NCAPD2: variants seen among roughly 807,000 people sequenced by gnomAD.
The protein encoded by NCAPD2 is non-SMC condensin I complex subunit D2, also known as condensin complex subunit 1.
Under a neutral mutation model 164.5 loss-of-function variants are expected in NCAPD2, and 100 were observed. The ratio of observed to expected loss-of-function variants is 0.61; its 90% CI spans 0.52 to 0.72. The LOEUF (loss-of-function observed/expected upper bound fraction) is 0.72. Ranked by LOEUF, NCAPD2 falls within the 30% of genes least tolerant of loss-of-function variation. The probability of loss-of-function intolerance (pLI) is 0.00; values close to 1 mark genes in which losing one functional copy is unlikely to be tolerated. For synonymous variants in NCAPD2, 585 were observed against 642.6 expected (o/e 0.91, Z 1.36); for missense variants, 1,560 against 1,749.2 (o/e 0.89, Z 1.93).
intron 13 of NCAPD2, among the ~76,000 whole-genome samples, chr12:6,520,018 T>G (rs1946249632): frequency 6.6e-6 from 1 of 151,930 alleles, no homozygotes; most frequent in Non-Finnish European, 1.5e-5. Context: ...CCATCTCTGC[T>G]AAAATTACAA....
Position 6,509,778 on chromosome 12 carries a change from C to G in NCAPD2, c.189C>G (p.Ile63Met), listed in dbSNP as rs147643090. ...PLAMLQHFDT[I>M]YSILHHFRSI... is the part of the protein sequence containing the mutation. Reference sequence around the variant, plus strand: ...CTATGCTGCAGCACTTTGATACTATCTACAGCATTTTGCAGTAAGTGAAAC... The same window carrying G: ...CTATGCTGCAGCACTTTGATACTATGTACAGCATTTTGCAGTAAGTGAAAC... Residue 63 changes from isoleucine (I) to methionine (M), a missense_variant, in exon 3 of 32, where the codon ATC becomes ATG. Transcript: ENST00000315579. The G allele has an allele frequency of 1.1e-4, 185 of 1,614,026 alleles. 2 individuals are homozygous for G. In the African/African-American group the frequency reaches 2.2e-3, roughly 19 times the overall value.
intron 27 of NCAPD2, 170 bp from the exon 28 acceptor site, chr12:6,529,343 G>T: frequency 1.5e-6 from 1 of 658,742 alleles, no homozygotes; most frequent in Admixed American, 2.8e-5. Context: ...GGGGCGGGGT[G>T]GGGTCCCTCT....
intron 27 of NCAPD2, chr12:6,529,295 C>T: frequency 1.6e-6 from 1 of 618,864 alleles, no homozygotes; most frequent in East Asian, 2.7e-5. Flanking sequence ...AGCAGCTGCT[C>T]CTGTTAATTT....
Position 6,529,894 on chromosome 12 carries a change from C to A in NCAPD2, c.3773C>A (p.Ser1258Tyr), listed in dbSNP as rs143558583. Residue 1258 changes from serine (S) to tyrosine (Y), a missense_variant, in exon 29 of 32, where the codon TCC (serine) becomes TAC (tyrosine). Ser to Tyr is a moderately radical substitution (Grantham distance 144, BLOSUM62 -2). Coordinates refer to ENST00000315579, the MANE Select transcript of NCAPD2 (RefSeq NM_014865.4). ...TTTGGAGACAAACTGTCAGATGAGT[C>A]CATCTTCAGTGCTTTTTTGTCAGTT... ...DCFGDKLSDE[S>Y]IFSAFLSVVG... 1,840 of 1,614,116 alleles carry A rather than the reference C, an allele frequency of 1.1e-3. 3 individuals are homozygous for A. The highest frequency in any genetic ancestry group is 1.5e-3 in the Non-Finnish European group (1,768 of 1,180,060).
Position 6,521,855 on chromosome 12 carries a change from C to T in NCAPD2, c.1772C>T (p.Thr591Ile), listed in dbSNP as rs1287489579. 14 of 1,614,018 alleles carry T rather than the reference C, an allele frequency of 8.7e-6. No individual in the cohort carries two copies. The highest frequency in any genetic ancestry group is 9.3e-6 in the Non-Finnish European group (11 of 1,180,012). Residue 591 changes from threonine (T) to isoleucine (I), a missense_variant, in exon 15 of 32, where the codon ACA (threonine) becomes ATA (isoleucine). By Grantham distance (89) the Thr-to-Ile change is moderately conservative. Coordinates refer to ENST00000315579, the MANE Select transcript of NCAPD2 (RefSeq NM_014865.4). The part of the protein sequence containing the change: ...NPRESTGNMV[T>I]GQTVCKNKPN... Reference sequence around the variant, plus strand: ...CGGGAGTCTACAGGAAACATGGTCACAGGACAGACTGTCTGTAAAAATAAA... The same window carrying T: ...CGGGAGTCTACAGGAAACATGGTCATAGGACAGACTGTCTGTAAAAATAAA...
At chr12:6,495,315 C>G (rs1466130309) in intron 2 of NCAPD2, 90 bp downstream of exon 2, 1 of 1,481,488 alleles carries the variant, frequency 6.7e-7, no homozygotes, top group Non-Finnish European at 9.2e-7. Flanking sequence ...TCCACTACAC[C>G]AGGAAGCATC....
At chr12:6,496,939 A>C (rs1475688074) in intron 2 of NCAPD2, among the ~76,000 whole-genome samples, 3 of 152,216 alleles carry the variant, frequency 2.0e-5, no homozygotes, top group African/African-American at 7.2e-5. Flanking sequence ...AGACGATGGG[A>C]ATTTTTCAGC....
chr12:6,509,649 C>A, intron 2 of NCAPD2, 68 bp from the exon 3 acceptor site: 2 of 1,397,836 alleles, frequency 1.4e-6, no homozygotes, highest in Non-Finnish European at 2.0e-6. Flanking sequence ...TAGTTTTCTG[C>A]CATGGATAGA....
chr12:6,514,025 T>C (rs1454519523), intron 6 of NCAPD2, among the ~76,000 whole-genome samples: 6 of 152,172 alleles, frequency 3.9e-5, no homozygotes, highest in African/African-American at 1.4e-4. Flanking sequence ...AACTCTATCA[T>C]ATTTTTATGA....
intron 2 of NCAPD2, among the ~76,000 whole-genome samples, chr12:6,507,496 G>A (rs1454616833): frequency 6.6e-6 from 1 of 152,240 alleles, no homozygotes; most frequent in Non-Finnish European, 1.5e-5. Context: ...AGGGGCACGA[G>A]AGCCTTTATT....
chr12:6,508,536 C>T (rs536904237), intron 2 of NCAPD2, among the ~76,000 whole-genome samples: 102 of 152,214 alleles, frequency 6.7e-4, no homozygotes, highest in African/African-American at 2.3e-3. Flanking sequence ...GACAGCTAAT[C>T]GTTACAATAG....
At chr12:6,496,978 GC>G (rs1223368059) in intron 2 of NCAPD2, among the ~76,000 whole-genome samples, 3 of 152,162 alleles carry the variant, frequency 2.0e-5, no homozygotes, top group African/African-American at 7.2e-5. Context: ...CACCACTGTC[GC>G]ATATGTGGTC....
In NCAPD2 at chr12:6,530,948, C is replaced by T; in HGVS notation, c.3992C>T (p.Thr1331Ile). 2 of 1,614,198 alleles carry T rather than the reference C, an allele frequency of 1.2e-6. No individual in the cohort carries two copies. Among genetic ancestry groups the T allele is most frequent in the Non-Finnish European group, 1.7e-6 (2 of 1,180,042 alleles). ...TCTAGGTACCAGCCTCTGGCTTCTACAGCCTCAGACAATGACTTTGTCACA... is the reference window on the plus strand; with the variant it reads ...TCTAGGTACCAGCCTCTGGCTTCTATAGCCTCAGACAATGACTTTGTCACA... Reference protein sequence around the residue: ...TGSRYQPLASTASDNDFVTPE... With the variant: ...TGSRYQPLASIASDNDFVTPE... Residue 1331 changes from threonine (T) to isoleucine (I), a missense_variant, in exon 31 of 32, where the codon ACA becomes ATA. Physicochemically the swap from Thr to Ile is moderately conservative, Grantham distance 89. Coordinates refer to ENST00000315579, the MANE Select transcript of NCAPD2 (RefSeq NM_014865.4).
At chr12:6,496,379 T>G (rs1291321462) in intron 2 of NCAPD2, among the ~76,000 whole-genome samples, 1 of 152,174 alleles carries the variant, frequency 6.6e-6, no homozygotes, top group African/African-American at 2.4e-5. Context: ...CTTCTTCCTC[T>G]AATGTCCAGA....
intron 14 of NCAPD2, among the ~76,000 whole-genome samples, chr12:6,521,584 A>AG (rs3835028): frequency 0.79 from 119,488 of 152,150 alleles, 47,731 homozygotes; most frequent in African/African-American, 0.94. Context: ...ACTGCTCAGG[A>AG]GCTGAAGTGA....
chr12:6,525,489 C>T, intron 17 of NCAPD2, 94 bp from the exon 18 acceptor site: 1 of 1,422,236 alleles, frequency 7.0e-7, no homozygotes, highest in Non-Finnish European at 9.5e-7. Flanking sequence ...TTACTTTTGT[C>T]TACTTCAGGT....
At chr12:6,514,216 A>G (rs4764604) in intron 6 of NCAPD2, 49 bp from the exon 7 acceptor site, 461,734 of 1,610,622 alleles carry the variant, frequency 0.29, 68,670 homozygotes, top group African/African-American at 0.44. Flanking sequence ...CTCTGATACA[A>G]TTGGATTCAG....
intron 2 of NCAPD2, 145 bp from the exon 3 acceptor site, chr12:6,509,572 T>G: frequency 2.5e-6 from 2 of 792,564 alleles, no homozygotes; most frequent in Non-Finnish European, 4.3e-6. Context: ...CTCATCGTCA[T>G]TATAGGTTAC....
Position 6,496,636 on chromosome 12 carries a change from G to A in NCAPD2, c.127+1411G>A, listed in dbSNP as rs190649667. 2.4e-4 allele frequency among the ~76,000 whole-genome samples: 36 copies of A among 151,594 alleles called. No individual in the cohort carries two copies. The Middle Eastern group carries it at 0.01, about 43-fold the overall frequency. ...AACAGTGTCTCCCTATGTTGCCCAGGCTGGTCTCGAACTTCTGGGCTCAAG... is the reference window on the plus strand; with the variant it reads ...AACAGTGTCTCCCTATGTTGCCCAGACTGGTCTCGAACTTCTGGGCTCAAG... On this transcript the variant is annotated intron_variant, in intron 2 of 31. Transcript: ENST00000315579.
Sources: allele counts gnomAD v4.1 joint callset (sites outside exome capture counted in the v4.1 genomes callset), GRCh38; gene constraint gnomAD v4.1.1; transcripts MANE v1.5; gene names NCBI Gene and HGNC (gene_info 2026-07-23, HGNC 2026-07-21).